Variants in MAST2 observed in about 807,000 individuals in gnomAD.
MAST2 encodes microtubule-associated serine/threonine-protein kinase 2.
In MAST2, 70 loss-of-function variants were observed where a neutral mutation model predicts 147.4. The ratio of observed to expected loss-of-function variants is 0.47; its 90% CI spans 0.39 to 0.58. MAST2 has a LOEUF of 0.58. Among genes scored for constraint, MAST2 ranks in the 20% least tolerant of loss-of-function variants. The probability of loss-of-function intolerance (pLI) is 0.00; values close to 1 mark genes in which losing one functional copy is unlikely to be tolerated. For synonymous variants in MAST2, 869 were observed against 896.8 expected, an observed-to-expected ratio of 0.97 and a Z score of 0.55; for missense variants, 2,080 against 2,302.3, an observed-to-expected ratio of 0.90 and a Z score of 1.98.
At chr1:45,881,389 T>C (rs1001817431) in intron 3 of MAST2, among the ~76,000 whole-genome samples, 1 of 152,230 alleles carries the variant, frequency 6.6e-6, no homozygotes, top group African/African-American at 2.4e-5. Flanking sequence ...ACATATAATA[T>C]AATACCATGT....
At chr1:45,986,616 C>T (rs970784155) in intron 5 of MAST2, among the ~76,000 whole-genome samples, 1 of 149,882 alleles carries the variant, frequency 6.7e-6, no homozygotes, top group Non-Finnish European at 1.5e-5. Flanking sequence ...TACTCAGAGG[C>T]TGAGGCAGGA....
At chr1:45,828,916 A>G (rs1344508495) in intron 2 of MAST2, among the ~76,000 whole-genome samples, 1 of 149,864 alleles carries the variant, frequency 6.7e-6, no homozygotes, top group Non-Finnish European at 1.5e-5. Context: ...AGTGAGTGAC[A>G]CTCTGTCTCA....
At chr1:45,850,355 G>C (rs1645585301) in intron 3 of MAST2, among the ~76,000 whole-genome samples, 1 of 152,124 alleles carries the variant, frequency 6.6e-6, no homozygotes, top group Non-Finnish European at 1.5e-5. Flanking sequence ...ACCTTTGTCA[G>C]ATGCATAGTT....
chr1:45,913,826 G>A, intron 4 of MAST2: 5 of 1,217,368 alleles, frequency 4.1e-6, no homozygotes, highest in Non-Finnish European at 5.2e-6. Context: ...GAGTAGCCAG[G>A]AGAATGATGA....
chr1:45,998,906 G>C (rs1645163087), intron 6 of MAST2, among the ~76,000 whole-genome samples: 1 of 151,842 alleles, frequency 6.6e-6, no homozygotes, highest in African/African-American at 2.4e-5. Flanking sequence ...TTCTTTTTTT[G>C]TATTTTTGAT....
At chr1:45,935,328 C>A (rs1256184084) in intron 4 of MAST2, among the ~76,000 whole-genome samples, 2 of 152,090 alleles carry the variant, frequency 1.3e-5, no homozygotes, top group African/African-American at 4.8e-5. Context: ...CAAATATTTT[C>A]TCCCATTCTC....
intron 4 of MAST2, among the ~76,000 whole-genome samples, chr1:45,941,704 A>G (rs998845731): frequency 1.5e-5 from 2 of 132,520 alleles, no homozygotes; most frequent in South Asian, 2.4e-4. Flanking sequence ...TTTATTCCTT[A>G]TTGCACTGGC....
intron 5 of MAST2, 36 bp downstream of exon 5, chr1:45,959,513 G>C: frequency 6.4e-7 from 1 of 1,566,252 alleles, no homozygotes; most frequent in Non-Finnish European, 8.8e-7. Context: ...TTGAATGAAA[G>C]AGTGGCCACA....
intron 4 of MAST2, among the ~76,000 whole-genome samples, chr1:45,949,339 T>C (rs1044434428): frequency 1.3e-5 from 2 of 152,150 alleles, no homozygotes; most frequent in African/African-American, 4.8e-5. Flanking sequence ...AGGTCTAATA[T>C]TCAGCATCTA....
At chr1:45,913,509 C>G (rs1651990115) in intron 4 of MAST2, 2 of 851,650 alleles carry the variant, frequency 2.3e-6, no homozygotes, top group Non-Finnish European at 2.8e-6. Flanking sequence ...GTCACTGACG[C>G]AGGAACAAGG....
In MAST2 at chr1:46,035,376, G is replaced by T. The variant is rs765608770; in HGVS notation, c.4707G>T (p.Gly1569=). ...VPSLLTGITL[G]PPRMESPSGP... ...GCCTATTGACAGGGATCACACTGGG[G>T]CCTCCCAGAATGGAAAGTCCCAGTG... The change falls in exon 29 of 29, where the codon GGG becomes GGT. Residue 1569 remains glycine (G), a synonymous_variant. Coordinates refer to ENST00000361297, the MANE Select transcript of MAST2 (RefSeq NM_015112.3). This position sits in a 1 kb window ranked among gnomAD's most constrained non-coding sequence, Gnocchi z 5.5. 6.2e-7 allele frequency: 1 copy of T among 1,612,964 alleles called. No homozygotes were observed. The highest frequency in any genetic ancestry group is 8.5e-7 in the Non-Finnish European group (1 of 1,179,598).
At chr1:45,837,125 C>T (rs139769231) in intron 3 of MAST2, among the ~76,000 whole-genome samples, 1,559 of 152,152 alleles carry the variant, frequency 0.01, 18 homozygotes, top group South Asian at 0.018. Flanking sequence ...TGGCCTGGTC[C>T]CTAACAGGCC....
rs888181175 is a variant in MAST2, at chr1:46,029,907, A to G, written c.2397A>G (p.Glu799=). Residue 799 remains glutamate, a synonymous_variant, in exon 20 of 29, where the codon GAA becomes GAG. Transcript: ENST00000361297. ...DWTGLLRQKA[E]FIPQLESEDD... is the part of the protein sequence containing the mutation. ...CAGGACTTCTCCGCCAGAAGGCTGA[A>G]TTTATTCCTCAGTTGGAGTCAGAGG... 6.2e-7 allele frequency: 1 copy of G among 1,614,210 alleles called. No homozygotes were observed. Among genetic ancestry groups the G allele is most frequent in the African/African-American group, 1.3e-5 (1 of 75,052 alleles).
At chr1:45,894,418 C>T (rs973620658) in intron 4 of MAST2, among the ~76,000 whole-genome samples, 1 of 151,974 alleles carries the variant, frequency 6.6e-6, no homozygotes, top group Non-Finnish European at 1.5e-5. Context: ...GAAAGTAACA[C>T]AATTTTAAAT....
intron 3 of MAST2, among the ~76,000 whole-genome samples, chr1:45,858,738 T>C (rs1239934684): frequency 6.6e-6 from 1 of 150,854 alleles, no homozygotes; most frequent in African/African-American, 2.4e-5. Flanking sequence ...AGGGTTTTTA[T>C]GGTTTTAGGT....
chr1:45,891,334 T>C (rs1386449917), intron 4 of MAST2, among the ~76,000 whole-genome samples: 1 of 151,998 alleles, frequency 6.6e-6, no homozygotes, highest in Admixed American at 6.6e-5. Context: ...TCTGCAAAAG[T>C]TTTTTTAAAA....
At chr1:45,854,395 T>C (rs990941866) in intron 3 of MAST2, among the ~76,000 whole-genome samples, 1 of 152,052 alleles carries the variant, frequency 6.6e-6, no homozygotes, top group African/African-American at 2.4e-5. Flanking sequence ...TTCTCTTTTC[T>C]GTTCAGTTCA....
At chr1:45,845,563 C>T (rs1419332170) in intron 3 of MAST2, among the ~76,000 whole-genome samples, 2 of 152,010 alleles carry the variant, frequency 1.3e-5, no homozygotes, top group Non-Finnish European at 2.9e-5. Context: ...AAACATTGTA[C>T]AACATTTATG....
intron 4 of MAST2, among the ~76,000 whole-genome samples, chr1:45,930,391 T>TTTTGTTTTG (rs1553235602): frequency 8.8e-5 from 13 of 147,164 alleles, no homozygotes; most frequent in East Asian, 2.0e-4. Flanking sequence ...TTTTTTGTTT[T>TTTTGTTTTG]TTTTGTTTTG....
Sources: gnomAD v4.1 joint callset for allele counts (sites outside exome capture counted in the v4.1 genomes callset) on GRCh38, gnomAD v4.1.1 for gene constraint, Gnocchi (gnomAD v3.1) non-coding constraint, MANE v1.5 for transcripts, NCBI Gene and HGNC (gene_info 2026-07-23, HGNC 2026-07-21) for gene names.